Variants in CDK14 observed in about 807,000 individuals in gnomAD.
CDK14 encodes the protein cyclin dependent kinase 14.
CDK14 carries 34 observed loss-of-function variants against 60.7 expected under a neutral mutation model. That is an observed-to-expected ratio of 0.56 (90% CI 0.43 to 0.75). The LOEUF is 0.75. CDK14 is among the 30% of genes least tolerant of loss of function. CDK14 has a pLI of 0.00. For synonymous variants in CDK14, 197 were observed against 203.7 expected (o/e 0.97, Z 0.28); for missense variants, 482 against 564.1 (o/e 0.85, Z 1.47).
intron 12 of CDK14, among the ~76,000 whole-genome samples, chr7:91,108,620 ATATGTT>A (rs1370777716): frequency 6.6e-6 from 1 of 152,216 alleles, no homozygotes; most frequent in African/African-American, 2.4e-5. Flanking sequence ...GCCTGCCACT[ATATGTT>A]TATAACTGCC....
chr7:90,671,594 C>T (rs1462622654), intron 2 of CDK14, among the ~76,000 whole-genome samples: 2 of 152,004 alleles, frequency 1.3e-5, no homozygotes, highest in African/African-American at 4.8e-5. Flanking sequence ...TGATAGCAAG[C>T]TCGTATATTT....
At chr7:90,805,062 A>T (rs1178451475) in intron 5 of CDK14, among the ~76,000 whole-genome samples, 1 of 152,120 alleles carries the variant, frequency 6.6e-6, no homozygotes, top group Admixed American at 6.5e-5. Flanking sequence ...CTTGCCAGTA[A>T]ATGACTGTTA....
At chr7:90,963,086 A>AGAGTGTGTGTGTGTGTGTGTGT (rs146903374) in intron 9 of CDK14, among the ~76,000 whole-genome samples, 4 of 142,180 alleles carry the variant, frequency 2.8e-5, no homozygotes, top group African/African-American at 1.1e-4. Context: ...TCATCTTAAG[A>AGAGTGTGTGTGTGTGTGTGTGT]GTGTGTGTGT....
At position 91,188,407 on chromosome 7, in the gene CDK14, G is replaced by A. The variant is rs1334652770; in HGVS notation, c.*29-18758G>A. Among the ~76,000 whole-genome samples the A allele has an allele frequency of 2.6e-5, 4 of 152,218 alleles. No individual in the cohort carries two copies. The East Asian group carries it at 7.7e-4, about 29-fold the overall frequency. On this transcript the variant is annotated intron_variant, in intron 14 of 14. Coordinates refer to ENST00000380050, the MANE Select transcript of CDK14 (RefSeq NM_001287135.2). Reference sequence around the variant, plus strand: ...CTCCTCCCAAACTAAGCAATTGAAAGCAATATCCAGGCAAAACAGAGCCCT... The same window carrying A: ...CTCCTCCCAAACTAAGCAATTGAAAACAATATCCAGGCAAAACAGAGCCCT...
chr7:91,058,608 G>A (rs927841372), intron 11 of CDK14, among the ~76,000 whole-genome samples: 19 of 152,248 alleles, frequency 1.2e-4, no homozygotes, highest in Admixed American at 1.2e-3. Context: ...AGAGTTTTTA[G>A]CATGAAGGTT....
At chr7:90,837,989 C>G (rs753276218) in intron 5 of CDK14, among the ~76,000 whole-genome samples, 1 of 151,988 alleles carries the variant, frequency 6.6e-6, no homozygotes. Flanking sequence ...CTGTTGTTTC[C>G]ATAATACAAA....
At chr7:91,015,585 T>C (rs1796280922) in intron 10 of CDK14, among the ~76,000 whole-genome samples, 1 of 133,420 alleles carries the variant, frequency 7.5e-6, no homozygotes, top group Non-Finnish European at 1.5e-5. Context: ...TGGAGTGCAG[T>C]GGCATGATCT....
intron 14 of CDK14, among the ~76,000 whole-genome samples, chr7:91,179,061 T>C (rs530638697): frequency 1.5e-4 from 23 of 152,258 alleles, no homozygotes; most frequent in Admixed American, 1.1e-3. Flanking sequence ...CCAACCCAAA[T>C]GTCCAACAAT....
At chr7:91,167,803 A>T (rs1801390456) in intron 14 of CDK14, among the ~76,000 whole-genome samples, 1 of 152,188 alleles carries the variant, frequency 6.6e-6, no homozygotes, top group Non-Finnish European at 1.5e-5. Context: ...TTTTCATCTT[A>T]AAAAAATGGG....
intron 6 of CDK14, among the ~76,000 whole-genome samples, chr7:90,890,508 T>C (rs1471132900): frequency 6.6e-6 from 1 of 152,224 alleles, no homozygotes; most frequent in Non-Finnish European, 1.5e-5. Flanking sequence ...GATAAGTTGG[T>C]TAAACTTTCC....
intron 2 of CDK14, among the ~76,000 whole-genome samples, chr7:90,697,476 G>A (rs1221633434): frequency 6.6e-6 from 1 of 152,130 alleles, no homozygotes; most frequent in African/African-American, 2.4e-5. Context: ...GATTACAGGT[G>A]CGAGCTACTG....
intron 11 of CDK14, among the ~76,000 whole-genome samples, chr7:91,050,347 A>G (rs1453541815): frequency 2.0e-5 from 3 of 152,186 alleles, no homozygotes; most frequent in Non-Finnish European, 4.4e-5. Context: ...TGTACTGTGA[A>G]TAAAATGACC....
chr7:91,011,805 C>T (rs1796165909), intron 10 of CDK14, among the ~76,000 whole-genome samples: 1 of 152,158 alleles, frequency 6.6e-6, no homozygotes, highest in Non-Finnish European at 1.5e-5. Flanking sequence ...AAATCTCTTT[C>T]ATACCACTGC....
intron 14 of CDK14, among the ~76,000 whole-genome samples, chr7:91,140,178 A>G (rs1267936826): frequency 3.3e-5 from 5 of 152,192 alleles, no homozygotes; most frequent in African/African-American, 4.8e-5. Context: ...AAAACCGAGG[A>G]TCATGGAGAG....
intron 7 of CDK14, 56 bp downstream of exon 7, chr7:90,899,409 A>G: frequency 7.4e-7 from 1 of 1,343,722 alleles, no homozygotes; most frequent in South Asian, 1.5e-5. Context: ...TATTTTTTGA[A>G]CTGAAGTCTA....
At chr7:91,156,795 C>T (rs1048346661) in intron 14 of CDK14, among the ~76,000 whole-genome samples, 2 of 152,194 alleles carry the variant, frequency 1.3e-5, no homozygotes, top group African/African-American at 4.8e-5. Context: ...TGCTGAGCCT[C>T]TTGGCAGGGT....
intron 10 of CDK14, among the ~76,000 whole-genome samples, chr7:90,989,771 A>C (rs575901280): frequency 6.6e-6 from 1 of 152,332 alleles, no homozygotes; most frequent in African/African-American, 2.4e-5. Context: ...ATTGGACAGT[A>C]GTTTCTGCAT....
intron 7 of CDK14, among the ~76,000 whole-genome samples, chr7:90,911,183 A>G (rs1444669203): frequency 1.3e-5 from 2 of 152,168 alleles, no homozygotes; most frequent in Non-Finnish European, 2.9e-5. Context: ...ACTTAGCAAA[A>G]TGTCTATCGT....
rs535292379 is a variant in CDK14, at chr7:91,131,052, T to C, written c.*28+12844T>C. On this transcript the variant is annotated intron_variant, in intron 14 of 14. Transcript: ENST00000380050. ...ATCCAGAATATCTGCTCAACCTGAG[T>C]AGCAGTCAGTCAGATTAGGGCTGTG... 2.6e-5 allele frequency among the ~76,000 whole-genome samples: 4 copies of C among 152,188 alleles called. No homozygotes were observed. The East Asian group carries it at 7.7e-4, about 29-fold the overall frequency.
Sources: allele counts gnomAD v4.1 joint callset (sites outside exome capture counted in the v4.1 genomes callset), GRCh38; gene constraint gnomAD v4.1.1; transcripts MANE v1.5; gene names NCBI Gene and HGNC (gene_info 2026-07-23, HGNC 2026-07-21).